Variants in PRELID2 observed in about 807,000 individuals in gnomAD.
PRELID2 encodes the protein PRELI domain-containing protein 2.
Under a neutral mutation model 28.4 loss-of-function variants are expected in PRELID2, and 25 were observed. The ratio of observed to expected loss-of-function variants is 0.88; its 90% CI spans 0.64 to 1.23. PRELID2 has a LOEUF of 1.23. PRELID2 is among the 50% of genes most tolerant of loss of function. The pLI, the probability that PRELID2 is intolerant of heterozygous loss-of-function variation, is 0.00. For synonymous variants in PRELID2, 76 were observed against 71.6 expected (o/e 1.06, Z -0.31); for missense variants, 201 against 214.4 (o/e 0.94, Z 0.39).
At chr5:145,698,608 G>C (rs368600283) in intron 1 of PRELID2, among the ~76,000 whole-genome samples, 1 of 152,156 alleles carries the variant, frequency 6.6e-6, no homozygotes, top group Non-Finnish European at 1.5e-5. Flanking sequence ...GTCCTCACCT[G>C]GTAGAAGGGG....
intron 1 of PRELID2, among the ~76,000 whole-genome samples, chr5:145,578,280 A>G (rs545534226): frequency 2.6e-5 from 4 of 152,266 alleles, no homozygotes; most frequent in African/African-American, 9.6e-5. Flanking sequence ...TCTACCTCCT[A>G]CAAAACACAT....
chr5:145,704,033 T>A (rs1303906662), intron 1 of PRELID2: 1 of 152,236 alleles, frequency 6.6e-6, no homozygotes, highest in African/African-American at 2.4e-5. Flanking sequence ...TTCTCCCTGA[T>A]GAAACATCAT....
chr5:145,549,663 C>T (rs1051383023), intron 1 of PRELID2, among the ~76,000 whole-genome samples: 2 of 151,982 alleles, frequency 1.3e-5, no homozygotes, highest in Admixed American at 6.6e-5. Context: ...GGCATGGTGG[C>T]GGCTGCCTGT....
At chr5:145,417,107 G>A in the PRELID2 span, among the ~76,000 whole-genome samples, 1 of 151,780 alleles carries the variant, frequency 6.6e-6, no homozygotes, top group African/African-American at 2.4e-5. Context: ...CAACCATTAG[G>A]GAATATTATA....
the PRELID2 span, among the ~76,000 whole-genome samples, chr5:145,318,709 T>C: frequency 6.6e-6 from 1 of 152,050 alleles, no homozygotes; most frequent in African/African-American, 2.4e-5. Flanking sequence ...TGTCTAGGGG[T>C]AGGTGCCTGT....
chr5:145,607,047 T>G (rs1753515277), intron 1 of PRELID2, among the ~76,000 whole-genome samples: 1 of 152,156 alleles, frequency 6.6e-6, no homozygotes, highest in African/African-American at 2.4e-5. Context: ...TTTGTAGTAG[T>G]CACTGAGAGA....
chr5:145,615,932 G>T (rs1478626391), intron 1 of PRELID2, among the ~76,000 whole-genome samples: 1 of 152,158 alleles, frequency 6.6e-6, no homozygotes, highest in Non-Finnish European at 1.5e-5. Flanking sequence ...GTGGTGGCTT[G>T]GTAATGGCAA....
chr5:145,452,343 AACAT>A, the PRELID2 span, among the ~76,000 whole-genome samples: 1 of 152,142 alleles, frequency 6.6e-6, no homozygotes, highest in African/African-American at 2.4e-5. Context: ...CCCAAGACTC[AACAT>A]CTTTTATTTA....
chr5:145,695,882 T>C (rs909633449), intron 1 of PRELID2, among the ~76,000 whole-genome samples: 2 of 152,112 alleles, frequency 1.3e-5, no homozygotes, highest in Non-Finnish European at 2.9e-5. Flanking sequence ...CTGACTCTGA[T>C]ATAATATGGG....
intron 1 of PRELID2, among the ~76,000 whole-genome samples, chr5:145,651,655 T>C (rs957800041): frequency 1.3e-5 from 2 of 152,118 alleles, no homozygotes; most frequent in Admixed American, 1.3e-4. Context: ...GGGTCTGGAG[T>C]GGACCTTCAC....
intron 1 of PRELID2, among the ~76,000 whole-genome samples, chr5:145,726,258 A>AGGGGAGGGAGGGAGGGC (rs1285889393): frequency 7.0e-6 from 1 of 141,942 alleles, no homozygotes; most frequent in Non-Finnish European, 1.5e-5. Context: ...GGAGGGAGGG[A>AGGGGAGGGAGGGAGGGC]CGGAGGGGGA....
At chr5:145,424,806 C>T in the PRELID2 span, among the ~76,000 whole-genome samples, 4 of 152,142 alleles carry the variant, frequency 2.6e-5, no homozygotes, top group Non-Finnish European at 5.9e-5. Flanking sequence ...AAACCCAAAA[C>T]TATAAAAACC....
the PRELID2 span, among the ~76,000 whole-genome samples, chr5:145,370,923 T>A: frequency 6.6e-6 from 1 of 152,144 alleles, no homozygotes; most frequent in Non-Finnish European, 1.5e-5. Context: ...TGCTTGTCTA[T>A]TGTTGGTGTA....
intron 1 of PRELID2, among the ~76,000 whole-genome samples, chr5:145,642,468 C>T (rs1033871020): frequency 1.3e-5 from 2 of 152,150 alleles, no homozygotes; most frequent in African/African-American, 4.8e-5. Flanking sequence ...TGTAGGTTGC[C>T]TGTTCACTCT....
the PRELID2 span, chr5:145,381,755 T>C: frequency 6.6e-6 from 1 of 152,226 alleles, no homozygotes; most frequent in Admixed American, 6.5e-5. Context: ...AAAAGTAAGA[T>C]AAGAATACCA....
chr5:145,577,777 AC>A (rs1312143524), intron 1 of PRELID2, among the ~76,000 whole-genome samples: 2 of 152,152 alleles, frequency 1.3e-5, no homozygotes, highest in African/African-American at 4.8e-5. Flanking sequence ...ACAGTGGGTA[AC>A]TATATGTGAT....
At chr5:145,263,872 C>T in the PRELID2 span, among the ~76,000 whole-genome samples, 1 of 150,114 alleles carries the variant, frequency 6.7e-6, no homozygotes, top group African/African-American at 2.5e-5. Flanking sequence ...AAAAAAAAGT[C>T]CAGGACCAGA....
intron 1 of PRELID2, among the ~76,000 whole-genome samples, chr5:145,619,066 C>T (rs114932419): frequency 0.023 from 3,450 of 152,218 alleles, 133 homozygotes; most frequent in African/African-American, 0.078. Context: ...TGTTTCCAGG[C>T]AGTGGGCAAG....
intron 1 of PRELID2, among the ~76,000 whole-genome samples, chr5:145,503,445 T>C (rs991398166): frequency 6.6e-6 from 1 of 152,126 alleles, no homozygotes; most frequent in Admixed American, 6.6e-5. Flanking sequence ...TTTAAAACAA[T>C]AGTCATGATA....
Sources: gnomAD v4.1 joint callset for allele counts (sites outside exome capture counted in the v4.1 genomes callset) on GRCh38, gnomAD v4.1.1 for gene constraint, MANE v1.5 for transcripts, NCBI Gene and HGNC (gene_info 2026-07-23, HGNC 2026-07-21) for gene names.